Variants in HMCN1 observed in about 807,000 individuals in gnomAD.
The protein encoded by HMCN1 is hemicentin-1.
Under a neutral mutation model 625.9 loss-of-function variants are expected in HMCN1, and 321 were observed. The observed-to-expected ratio is 0.51, with a 90% confidence interval of 0.47 to 0.56. HMCN1 has a LOEUF of 0.56. Among genes scored for constraint, HMCN1 ranks in the 20% least tolerant of loss-of-function variants. The pLI is 0.00. For missense variants in HMCN1, 6,588 were observed against 6,887.3 expected (o/e 0.96, Z 1.54); for synonymous variants, 2,425 against 2,417.6 (o/e 1.00, Z -0.09).
At chr1:185,969,520 C>T (rs560889566) in intron 14 of HMCN1, among the ~76,000 whole-genome samples, 1 of 152,244 alleles carries the variant, frequency 6.6e-6, no homozygotes, top group South Asian at 2.1e-4. Context: ...TTCTTAGAAG[C>T]TAAGACAGTT....
Position 186,166,315 on chromosome 1 carries a change from T to C in HMCN1, c.15439+12T>C. ...AAGAACTTGTCAAGGTATTCACAAA[T>C]CTAATACACACATTTAAGCAATGGG... is the stretch of plus-strand genomic sequence containing the variant. On this transcript the variant is annotated intron_variant, in intron 99 of 106. Coordinates refer to ENST00000271588, the MANE Select transcript of HMCN1 (RefSeq NM_031935.3). 6.2e-7 allele frequency: 1 copy of C among 1,614,016 alleles called. No individual in the cohort carries two copies.
At position 186,020,273 on chromosome 1, in the gene HMCN1, G is replaced by GATAGATGATAT. The variant is rs1558149828; in HGVS notation, c.5625+580_5625+581insAGATGATATAT. ...TAGATAGATAGATAGATAGATGATA[G>GATAGATGATAT]ATTTCAAATCTGGATAATCTAAAGG... is the stretch of plus-strand genomic sequence containing the variant. On this transcript the variant is annotated intron_variant, in intron 35 of 106. Coordinates refer to ENST00000271588, the MANE Select transcript of HMCN1 (RefSeq NM_031935.3). Among the ~76,000 whole-genome samples the GATAGATGATAT allele has an allele frequency of 3.6e-3, 425 of 117,016 alleles. 1 individual carries two copies. The highest frequency in any genetic ancestry group is 0.014 in the African/African-American group (410 of 28,502). 76.8% of individuals were successfully genotyped at this position (117,016 alleles called of 152,430 possible).
In HMCN1 at chr1:185,977,990, A is replaced by T; in HGVS notation, c.2566+9A>T. On this transcript the variant is annotated intron_variant, in intron 16 of 106. Transcript: ENST00000271588. The stretch of plus-strand genomic sequence containing the variant: ...AGCTCTCTTTATTTTAAGTAGGTTG[A>T]AGGAAATATATTTTGTACGAATATG... 6.3e-7 allele frequency: 1 copy of T among 1,579,854 alleles called. No homozygotes were observed. Among genetic ancestry groups the T allele is most frequent in the South Asian group, 1.1e-5 (1 of 90,340 alleles).
At chr1:185,736,470 G>A (rs12239329) in intron 1 of HMCN1, among the ~76,000 whole-genome samples, 2 of 151,996 alleles carry the variant, frequency 1.3e-5, no homozygotes, top group Non-Finnish European at 2.9e-5. Context: ...TTGTTATTTC[G>A]GAATACCTTG....
At chr1:185,892,333 G>T (rs1289820652) in intron 4 of HMCN1, among the ~76,000 whole-genome samples, 1 of 152,038 alleles carries the variant, frequency 6.6e-6, no homozygotes, top group African/African-American at 2.4e-5. Context: ...TCTCCGTCCA[G>T]CTTTGTTCCA....
At chr1:186,060,146 A>C (rs1304672056) in intron 46 of HMCN1, among the ~76,000 whole-genome samples, 7 of 152,088 alleles carry the variant, frequency 4.6e-5, no homozygotes, top group Non-Finnish European at 8.8e-5. Context: ...ATAAGATACT[A>C]CTAAGTTCAC....
chr1:186,115,855 A>ATT (rs5779270), intron 75 of HMCN1, among the ~76,000 whole-genome samples: 3,509 of 147,404 alleles, frequency 0.024, 86 homozygotes, highest in African/African-American at 0.058. Flanking sequence ...CATTTTCTCC[A>ATT]TTTTTTTTTT....
intron 12 of HMCN1, 135 bp downstream of exon 12, chr1:185,962,794 C>T (rs767295465): frequency 1.4e-6 from 1 of 696,646 alleles, no homozygotes; most frequent in Admixed American, 2.1e-5. Context: ...ATTTTCTAAA[C>T]AGGCTATGAA....
At chr1:186,066,323 G>A (rs1571809623) in intron 49 of HMCN1, among the ~76,000 whole-genome samples, 1 of 152,030 alleles carries the variant, frequency 6.6e-6, no homozygotes, top group African/African-American at 2.4e-5. Context: ...TGAAGACTGA[G>A]GGATCTAGAT....
At chr1:185,792,159 G>A (rs59967839) in intron 1 of HMCN1, among the ~76,000 whole-genome samples, 13,863 of 152,210 alleles carry the variant, frequency 0.091, 2,039 homozygotes, top group African/African-American at 0.31. Flanking sequence ...TGAAGGTAGT[G>A]TGGTGATAAG....
intron 11 of HMCN1, chr1:185,956,973 G>GA (rs1456556728): frequency 1.3e-5 from 2 of 152,196 alleles, no homozygotes; most frequent in African/African-American, 4.8e-5. Flanking sequence ...TGCACAGAGG[G>GA]AAAAACATAA....
At position 186,178,491 on chromosome 1, in the gene HMCN1, T is replaced by A; in HGVS notation, c.16019T>A (p.Ile5340Asn). 24 of 1,614,152 alleles carry A rather than the reference T, an allele frequency of 1.5e-5. No individual in the cohort carries two copies. The highest frequency in any genetic ancestry group is 2.0e-5 in the Non-Finnish European group (24 of 1,179,996). Residue 5340 changes from isoleucine (I) to asparagine (N), a missense_variant, in exon 104 of 107, where the codon ATC becomes AAC. Transcript: ENST00000271588. Reference protein sequence around the residue: ...CSNTPGSFKCICPPGQHLLGD... With the variant: ...CSNTPGSFKCNCPPGQHLLGD... ...AACACCCCCGGCAGCTTCAAGTGTATCTGTCCACCAGGACAACATTTATTA... is the reference window on the plus strand; with the variant it reads ...AACACCCCCGGCAGCTTCAAGTGTAACTGTCCACCAGGACAACATTTATTA...
intron 1 of HMCN1, among the ~76,000 whole-genome samples, chr1:185,766,406 A>C (rs968680850): frequency 2.6e-5 from 4 of 152,112 alleles, no homozygotes; most frequent in African/African-American, 9.7e-5. Flanking sequence ...GGAGTTTAAG[A>C]GGGGACATTC....
intron 68 of HMCN1, among the ~76,000 whole-genome samples, chr1:186,100,488 G>T (rs1264152594): frequency 6.6e-6 from 1 of 152,024 alleles, no homozygotes; most frequent in African/African-American, 2.4e-5. Flanking sequence ...ACAAAATAGG[G>T]GGTTTTCATA....
At chr1:186,020,398 T>C (rs1157380091) in intron 35 of HMCN1, among the ~76,000 whole-genome samples, 4 of 152,172 alleles carry the variant, frequency 2.6e-5, no homozygotes, top group African/African-American at 7.2e-5. Flanking sequence ...ATGAGAGATA[T>C]GTTATGTTCC....
chr1:185,804,846 G>A (rs1200212473), intron 1 of HMCN1, among the ~76,000 whole-genome samples: 2 of 151,964 alleles, frequency 1.3e-5, no homozygotes, highest in Non-Finnish European at 2.9e-5. Context: ...TTCAGAGGGG[G>A]CTTAGAATGT....
intron 4 of HMCN1, among the ~76,000 whole-genome samples, chr1:185,873,529 C>T (rs893569008): frequency 5.9e-5 from 9 of 152,172 alleles, no homozygotes; most frequent in Non-Finnish European, 1.2e-4. Flanking sequence ...AAAAAATCAG[C>T]AATGATGAGA....
rs377383392 is a variant in HMCN1, at chr1:186,132,378, G to T, written c.13281G>T (p.Val4427=). The T allele has an allele frequency of 1.2e-6, 2 of 1,612,578 alleles. No homozygotes were observed. Among genetic ancestry groups the T allele is most frequent in the Middle Eastern group, 1.7e-4 (1 of 6,054 alleles). The stretch of plus-strand genomic sequence containing the variant: ...GTGTAGCTACCAATGAAGCTGGGGT[G>T]GTGGAGCGCAGCATGAGTCTGACTC... The part of the protein sequence containing the change: ...YTCVATNEAG[V]VERSMSLTLQ... The change falls in exon 86 of 107, where the codon GTG becomes GTT. Residue 4427 remains valine, a synonymous_variant. Transcript: ENST00000271588.
chr1:186,039,770 T>G lies in HMCN1; in HGVS notation c.6071T>G (p.Val2024Gly), dbSNP rs1197014497. 1 of 1,613,478 alleles carries G rather than the reference T, an allele frequency of 6.2e-7. No homozygotes were observed. Among genetic ancestry groups the G allele is most frequent in the African/African-American group, 1.3e-5 (1 of 74,894 alleles). ...ISGSNNMVAV[V>G]VNNPVRLECE... ...GGCAGCAATAACATGGTGGCAGTGGTGGTTAATAACCCGGTGAGGTTAGAA... is the reference window on the plus strand; with the variant it reads ...GGCAGCAATAACATGGTGGCAGTGGGGGTTAATAACCCGGTGAGGTTAGAA... Residue 2024 changes from valine to glycine, a missense_variant, in exon 39 of 107, where the codon GTG (valine) becomes GGG (glycine). Val to Gly is a moderately radical substitution (Grantham distance 109). Around this residue, in one of 3 missense-constraint regions of HMCN1, gnomAD observed 4,628 missense variants for 4,853.1 expected, o/e 0.95. Transcript: ENST00000271588.
Sources: allele counts gnomAD v4.1 joint callset (sites outside exome capture counted in the v4.1 genomes callset), GRCh38; gene constraint gnomAD v4.1.1; regional missense constraint gnomAD v4.1.1; transcripts MANE v1.5; gene names NCBI Gene and HGNC (gene_info 2026-07-23, HGNC 2026-07-21).